CTTNBP2: variants seen among roughly 807,000 people sequenced by gnomAD.
CTTNBP2 encodes cortactin-binding protein 2.
In CTTNBP2, 108 loss-of-function variants were observed where a neutral mutation model predicts 156.9. That is an observed-to-expected ratio of 0.69 (90% CI 0.59 to 0.81). The LOEUF (loss-of-function observed/expected upper bound fraction) is 0.81. CTTNBP2 is among the 30% of genes least tolerant of loss of function. CTTNBP2 has a pLI of 0.00. For missense variants in CTTNBP2, 1,924 were observed against 2,035.4 expected (o/e 0.95, Z 1.05); for synonymous variants, 767 against 751.8 (o/e 1.02, Z -0.33).
intron 3 of CTTNBP2, among the ~76,000 whole-genome samples, chr7:117,801,123 G>C (rs1460251264): frequency 6.6e-6 from 1 of 152,084 alleles, no homozygotes; most frequent in Non-Finnish European, 1.5e-5. Context: ...AGAAAGAAAA[G>C]CTTTTCCTTA....
intron 12 of CTTNBP2, among the ~76,000 whole-genome samples, chr7:117,748,386 T>C (rs1009878051): frequency 5.9e-5 from 9 of 152,154 alleles, no homozygotes; most frequent in African/African-American, 2.2e-4. Context: ...AGGACATTTT[T>C]CTCCAATTTT....
rs959235759 is a variant in CTTNBP2 at position 117,767,879 on chromosome 7, AAT to A, written c.2779-705_2779-704del. On this transcript the variant is annotated intron_variant, in intron 8 of 22. Coordinates refer to ENST00000160373, the MANE Select transcript of CTTNBP2 (RefSeq NM_033427.3). ...TTTTTTCAAATGCAAAGTAAGAGAC[AAT>A]ATATATACATAAATTTTCTAATAAA... Among the ~76,000 whole-genome samples the A allele has an allele frequency of 2.0e-3, 303 of 152,290 alleles. 5 individuals carry two copies. The highest frequency in any genetic ancestry group is 3.1e-4 in the Non-Finnish European group (21 of 68,028).
At chr7:117,853,825 C>T (rs900796609) in intron 2 of CTTNBP2, among the ~76,000 whole-genome samples, 2 of 152,146 alleles carry the variant, frequency 1.3e-5, no homozygotes, top group East Asian at 1.9e-4. Flanking sequence ...AAATGCTATG[C>T]AGTTACTTCA....
chr7:117,815,657 AGT>A (rs1293085200), intron 2 of CTTNBP2, among the ~76,000 whole-genome samples: 1 of 152,188 alleles, frequency 6.6e-6, no homozygotes, highest in Non-Finnish European at 1.5e-5. Context: ...AGCCAACATC[AGT>A]GTGTATATTT....
intron 8 of CTTNBP2, 133 bp from the exon 9 acceptor site, chr7:117,767,309 A>T: frequency 1.5e-6 from 1 of 657,978 alleles, no homozygotes. Context: ...CAATTCCATC[A>T]ACCCCAATAT....
chr7:117,858,319 G>A lies in CTTNBP2; in HGVS notation c.189+2890C>T, dbSNP rs559480949. On this transcript the variant is annotated intron_variant, in intron 2 of 22. Coordinates refer to ENST00000160373, the MANE Select transcript of CTTNBP2 (RefSeq NM_033427.3). ...CGGGAGGTGGGGCTTGCAGTGAGCC[G>A]AGATCGCACCACTGCACTCCAGCCT... 5.3e-5 allele frequency among the ~76,000 whole-genome samples: 8 copies of A among 152,250 alleles called. No individual in the cohort carries two copies. In the South Asian group the frequency reaches 8.3e-4, roughly 16 times the overall value.
intron 16 of CTTNBP2, among the ~76,000 whole-genome samples, chr7:117,734,676 G>A (rs1256724028): frequency 6.6e-6 from 1 of 152,258 alleles, no homozygotes; most frequent in Non-Finnish European, 1.5e-5. Context: ...AGAACTTGGT[G>A]AGATTCCTTG....
At chr7:117,806,811 T>C (rs1584461231) in intron 3 of CTTNBP2, among the ~76,000 whole-genome samples, 2 of 146,988 alleles carry the variant, frequency 1.4e-5, no homozygotes, top group African/African-American at 2.5e-5. Context: ...CAGGCTGGAG[T>C]GCAATTGTGC....
At chr7:117,861,170 A>C in intron 2 of CTTNBP2, 39 bp downstream of exon 2, 1 of 1,268,282 alleles carries the variant, frequency 7.9e-7, no homozygotes, top group Non-Finnish European at 1.1e-6. Flanking sequence ...AAAAAAGCAA[A>C]TGATCCAGCA....
intron 7 of CTTNBP2, 28 bp downstream of exon 7, chr7:117,780,413 A>AG (rs762564559): frequency 4.6e-4 from 666 of 1,444,058 alleles, no homozygotes; most frequent in Non-Finnish European, 5.9e-4. Context: ...TTATATATAC[A>AG]GGGGGAAAAA....
intron 1 of CTTNBP2, chr7:117,872,026 G>A (rs1317536633): frequency 2.1e-6 from 2 of 930,634 alleles, no homozygotes; most frequent in Non-Finnish European, 2.6e-6. Flanking sequence ...GGCAGGTTTC[G>A]TTTGAAATCT....
intron 2 of CTTNBP2, among the ~76,000 whole-genome samples, chr7:117,824,180 GT>G (rs11428255): frequency 8.1e-5 from 12 of 148,266 alleles, no homozygotes; most frequent in East Asian, 7.9e-4. Flanking sequence ...AAACTTTCTG[GT>G]TTTTTTTTTT....
chr7:117,740,002 TA>T (rs963319827), intron 14 of CTTNBP2, among the ~76,000 whole-genome samples: 188 of 152,318 alleles, frequency 1.2e-3, no homozygotes, highest in African/African-American at 4.3e-3. Flanking sequence ...ACTGTAATTT[TA>T]AAAAGTATCA....
chr7:117,813,919 A>G (rs1800428685), intron 2 of CTTNBP2, among the ~76,000 whole-genome samples: 1 of 152,246 alleles, frequency 6.6e-6, no homozygotes, highest in South Asian at 2.1e-4. Flanking sequence ...CTAGCTTTTA[A>G]ATATTTCTTA....
At chr7:117,772,874 C>T (rs1441160661) in intron 8 of CTTNBP2, among the ~76,000 whole-genome samples, 1 of 152,094 alleles carries the variant, frequency 6.6e-6, no homozygotes. Context: ...AGGTGGAGCA[C>T]GACCCTGGGC....
At chr7:117,814,494 C>T (rs1245926524) in intron 2 of CTTNBP2, among the ~76,000 whole-genome samples, 2 of 152,134 alleles carry the variant, frequency 1.3e-5, no homozygotes, top group African/African-American at 2.4e-5. Flanking sequence ...GGCGTGATCA[C>T]GGCTCACTGT....
chr7:117,755,452 T>C (rs1227906405), intron 12 of CTTNBP2: 1 of 391,912 alleles, frequency 2.6e-6, no homozygotes, highest in East Asian at 8.5e-5. Context: ...TTTAATGTTT[T>C]ATACCAGTAG....
intron 7 of CTTNBP2, among the ~76,000 whole-genome samples, chr7:117,779,770 T>C (rs1798306063): frequency 6.6e-6 from 1 of 151,564 alleles, no homozygotes; most frequent in Non-Finnish European, 1.5e-5. Context: ...TATGTATATA[T>C]ATTTTTTGAG....
intron 9 of CTTNBP2, 111 bp downstream of exon 9, chr7:117,766,948 T>C (rs1797516424): frequency 1.4e-6 from 1 of 701,420 alleles, no homozygotes; most frequent in South Asian, 1.7e-5. Context: ...TAGCTAGGGC[T>C]CCAAAAAGGT....
Sources: allele counts gnomAD v4.1 joint callset (sites outside exome capture counted in the v4.1 genomes callset), GRCh38; gene constraint gnomAD v4.1.1; transcripts MANE v1.5; gene names NCBI Gene and HGNC (gene_info 2026-07-23, HGNC 2026-07-21).